KCNJ6: variants seen among roughly 807,000 people sequenced by gnomAD.
KCNJ6 encodes G protein-activated inward rectifier potassium channel 2.
In KCNJ6, 9 loss-of-function variants were observed where a neutral mutation model predicts 34.2. That is an observed-to-expected ratio of 0.26 (90% CI 0.16 to 0.46). KCNJ6 has a LOEUF of 0.46. KCNJ6 is among the 20% of genes least tolerant of loss of function. The probability of loss-of-function intolerance (pLI) is 1.00; values close to 1 mark genes in which losing one functional copy is unlikely to be tolerated. For missense variants in KCNJ6, 236 were observed against 531.3 expected (o/e 0.44, Z 5.46); for synonymous variants, 196 against 207.1 (o/e 0.95, Z 0.46).
At chr21:37,904,464 G>T (rs1017029236) in intron 1 of KCNJ6, among the ~76,000 whole-genome samples, 4 of 150,092 alleles carry the variant, frequency 2.7e-5, no homozygotes, top group Non-Finnish European at 3.0e-5. Context: ...ATTTTTTTTT[G>T]GTATCACTTT....
intron 2 of KCNJ6, among the ~76,000 whole-genome samples, chr21:37,809,537 A>T (rs990642851): frequency 4.6e-5 from 7 of 152,320 alleles, no homozygotes; most frequent in Non-Finnish European, 1.0e-4. Flanking sequence ...ATAATAAAAT[A>T]AAAAAGATAT....
At chr21:37,848,058 A>G (rs1192133402) in intron 1 of KCNJ6, among the ~76,000 whole-genome samples, 1 of 152,208 alleles carries the variant, frequency 6.6e-6, no homozygotes, top group Non-Finnish European at 1.5e-5. Context: ...TGGCATGGAC[A>G]ATGAGGACAT....
intron 2 of KCNJ6, among the ~76,000 whole-genome samples, chr21:37,717,970 C>A (rs2054802629): frequency 6.6e-6 from 1 of 152,228 alleles, no homozygotes; most frequent in South Asian, 2.1e-4. Context: ...CTGGAAGAAC[C>A]TGTTTTGAAA....
At chr21:37,793,115 A>C (rs1368667592) in intron 2 of KCNJ6, among the ~76,000 whole-genome samples, 1 of 152,230 alleles carries the variant, frequency 6.6e-6, no homozygotes, top group African/African-American at 2.4e-5. Context: ...ACCCTGATGA[A>C]GCTGGAAGGA....
chr21:37,631,215 G>C (rs1248498839), intron 3 of KCNJ6, among the ~76,000 whole-genome samples: 1 of 152,160 alleles, frequency 6.6e-6, no homozygotes, highest in Non-Finnish European at 1.5e-5. Flanking sequence ...AGTAGACTTA[G>C]AGAACCATAC....
intron 2 of KCNJ6, among the ~76,000 whole-genome samples, chr21:37,836,610 A>G (rs570760151): frequency 6.6e-6 from 1 of 152,310 alleles, no homozygotes; most frequent in South Asian, 2.1e-4. Flanking sequence ...GAAGCTGGAA[A>G]CTATCATTCT....
At chr21:37,655,216 TGTGTGTGTGAGA>T (rs2054454587) in intron 3 of KCNJ6, among the ~76,000 whole-genome samples, 2 of 20,312 alleles carry the variant, frequency 9.8e-5, no homozygotes, top group Non-Finnish European at 2.9e-4. Context: ...TGTGTGTGTG[TGTGTGTGTGAGA>T]GAGAGAGAGA....
intron 3 of KCNJ6, among the ~76,000 whole-genome samples, chr21:37,687,947 T>C (rs567032130): frequency 6.6e-6 from 1 of 152,206 alleles, no homozygotes; most frequent in Non-Finnish European, 1.5e-5. Flanking sequence ...GTTCTACCAA[T>C]AGCATATTCA....
At chr21:37,842,590 G>T (rs915949332) in intron 1 of KCNJ6, among the ~76,000 whole-genome samples, 3 of 152,186 alleles carry the variant, frequency 2.0e-5, no homozygotes, top group African/African-American at 7.2e-5. Context: ...CTACCAACCT[G>T]CTTGCTGTGG....
At chr21:37,712,703 T>C (rs857962) in intron 3 of KCNJ6, among the ~76,000 whole-genome samples, 8,300 of 22,552 alleles carry the variant, frequency 0.37, 243 homozygotes, top group East Asian at 0.47. Flanking sequence ...CCTCCTCTCC[T>C]TCCTCCCTTT....
At chr21:37,822,630 T>A (rs549839120) in intron 2 of KCNJ6, among the ~76,000 whole-genome samples, 1 of 152,322 alleles carries the variant, frequency 6.6e-6, no homozygotes, top group East Asian at 1.9e-4. Flanking sequence ...TATGGCTTTG[T>A]TGGAGCCTGC....
chr21:37,679,298 T>A (rs1047779078), intron 3 of KCNJ6, among the ~76,000 whole-genome samples: 3 of 152,174 alleles, frequency 2.0e-5, no homozygotes, highest in Non-Finnish European at 4.4e-5. Flanking sequence ...GTGTTGGTTG[T>A]TTTCAGCCAC....
intron 3 of KCNJ6, among the ~76,000 whole-genome samples, chr21:37,656,939 C>A (rs1396340227): frequency 2.6e-5 from 4 of 152,210 alleles, no homozygotes; most frequent in Non-Finnish European, 5.9e-5. Flanking sequence ...GCTTCCTTCC[C>A]ACCCAAAGAA....
chr21:37,755,828 C>T (rs2055021430), intron 2 of KCNJ6, among the ~76,000 whole-genome samples: 1 of 152,228 alleles, frequency 6.6e-6, no homozygotes, highest in African/African-American at 2.4e-5. Context: ...AGAGTGGAGG[C>T]TGCCCCTTTC....
chr21:37,756,423 C>G (rs565328737), intron 2 of KCNJ6, among the ~76,000 whole-genome samples: 2 of 152,296 alleles, frequency 1.3e-5, no homozygotes, highest in African/African-American at 4.8e-5. Context: ...TGGGAGAAGG[C>G]AGGGGACGTG....
chr21:37,647,319 G>T (rs1229144879), intron 3 of KCNJ6, among the ~76,000 whole-genome samples: 1 of 152,060 alleles, frequency 6.6e-6, no homozygotes, highest in Non-Finnish European at 1.5e-5. Context: ...TTGGCCGACA[G>T]ATGTGTGTAT....
chr21:37,732,903 A>C (rs1000864638), intron 2 of KCNJ6, among the ~76,000 whole-genome samples: 1 of 152,178 alleles, frequency 6.6e-6, no homozygotes, highest in Non-Finnish European at 1.5e-5. Context: ...CCACAACTCA[A>C]CACCTGTTGG....
At chr21:37,788,724 C>T (rs973093170) in intron 2 of KCNJ6, among the ~76,000 whole-genome samples, 1 of 152,142 alleles carries the variant, frequency 6.6e-6, no homozygotes, top group African/African-American at 2.4e-5. Flanking sequence ...TGAGAGACCA[C>T]GTGGAGCAGA....
intron 1 of KCNJ6, among the ~76,000 whole-genome samples, chr21:37,853,619 T>C (rs977633054): frequency 6.6e-5 from 10 of 151,980 alleles, no homozygotes; most frequent in African/African-American, 2.4e-4. Flanking sequence ...AGAAAATATA[T>C]AGGCAAACAC....
Sources: gnomAD v4.1 joint callset for allele counts (sites outside exome capture counted in the v4.1 genomes callset) on GRCh38, gnomAD v4.1.1 for gene constraint, MANE v1.5 for transcripts, NCBI Gene and HGNC (gene_info 2026-07-23, HGNC 2026-07-21) for gene names.